The following MYH7 variants were observed in gnomAD, a reference collection of about 807,000 sequenced individuals.
MYH7 encodes the protein myosin heavy chain 7.
MYH7 carries 129 observed loss-of-function variants against 225.4 expected under a neutral mutation model. The ratio of observed to expected loss-of-function variants is 0.57; its 90% CI spans 0.50 to 0.66. The LOEUF (loss-of-function observed/expected upper bound fraction) is 0.66. Among genes scored for constraint, MYH7 ranks in the 30% least tolerant of loss-of-function variants. The probability of loss-of-function intolerance (pLI) is 0.00; values close to 1 mark genes in which losing one functional copy is unlikely to be tolerated. For synonymous variants in MYH7, 971 were observed against 1,007.6 expected (o/e 0.96, Z 0.69); for missense variants, 1,649 against 2,517.0 (o/e 0.66, Z 7.38).
At chr14:23,423,419 CT>C in intron 24 of MYH7, 127 bp downstream of exon 24, 4 of 1,308,992 alleles carry the variant, frequency 3.1e-6, no homozygotes, top group Non-Finnish European at 4.4e-6. Flanking sequence ...CCCTACCCCC[CT>C]CTAAACATAA....
chr14:23,430,590 A>C lies in MYH7; in HGVS notation c.969T>G (p.Ile323Met), dbSNP rs730880861. 3 of 1,614,034 alleles carry C rather than the reference A, an allele frequency of 1.9e-6. No homozygotes were observed. The Admixed American group carries it at 5.0e-5, about 27-fold the overall frequency. The change falls in exon 11 of 40, where the codon ATT becomes ATG. Residue 323 changes from isoleucine to methionine, a missense_variant. Transcript: ENST00000355349. ...TGGCCATGAGCTCCTCAGCGTCATCAATGGAGGCCACGGTGGTCTCTCCTT... is the reference window on the plus strand; with the variant it reads ...TGGCCATGAGCTCCTCAGCGTCATCCATGGAGGCCACGGTGGTCTCTCCTT... The part of the protein sequence containing the change: ...ISQGETTVAS[I>M]DDAEELMATD...
At position 23,433,283 on chromosome 14, in the gene MYH7, A is replaced by G; in HGVS notation, c.202-56T>C. 1.2e-6 allele frequency: 2 copies of G among 1,612,746 alleles called. No homozygotes were observed. Among genetic ancestry groups the G allele is most frequent in the South Asian group, 2.2e-5 (2 of 90,908 alleles). On this transcript the variant is annotated intron_variant, in intron 3 of 39. Transcript: ENST00000355349. The surrounding 1 kb of genome is among the most constrained non-coding windows in gnomAD (Gnocchi z 4.1). The stretch of plus-strand genomic sequence containing the variant: ...CAGCCTGGGCTTTCCCTCCTTCCTC[A>G]AGAGGGTTAGGAGTTGGTGAGTGAC...
At chr14:23,428,714 G>A in intron 14 of MYH7, 44 bp from the exon 15 acceptor site, 3 of 1,613,412 alleles carry the variant, frequency 1.9e-6, no homozygotes, top group Non-Finnish European at 2.5e-6. Flanking sequence ...AAGTGGGTGT[G>A]AGTGGCCATT....
Position 23,423,539 on chromosome 14 carries a change from C to A in MYH7, c.3099+8G>T. Reference sequence around the variant, plus strand: ...ATATCTAGGCCCCACAACTCTCAATCTACTCACATCATCCACTTGCTGCTC... The same window carrying A: ...ATATCTAGGCCCCACAACTCTCAATATACTCACATCATCCACTTGCTGCTC... On this transcript the variant is annotated splice_region_variant and intron_variant, in intron 24 of 39. Coordinates refer to ENST00000355349, the MANE Select transcript of MYH7 (RefSeq NM_000257.4). 6.2e-7 allele frequency: 1 copy of A among 1,612,872 alleles called. No homozygotes were observed. Among genetic ancestry groups the A allele is most frequent in the Admixed American group, 1.7e-5 (1 of 59,908 alleles).
In MYH7 at chr14:23,430,890, C is replaced by T. The variant is rs727504860; in HGVS notation, c.895+11G>A. On this transcript the variant is annotated intron_variant, in intron 10 of 39. Transcript: ENST00000355349. ...GGAGATAGTTGGTCTCAGTCGGTGG[C>T]TCTGACTCACCCAGCAGCTCAGGCT... 1.9e-6 allele frequency: 3 copies of T among 1,601,990 alleles called. No individual in the cohort carries two copies. In the South Asian group the frequency reaches 3.3e-5, roughly 18 times the overall value.
intron 39 of MYH7, among the ~76,000 whole-genome samples, chr14:23,413,511 G>A (rs961805360): frequency 1.3e-5 from 2 of 151,388 alleles, no homozygotes; most frequent in South Asian, 2.1e-4. Context: ...AGGTTGCAGT[G>A]AGCTGAGATT....
chr14:23,417,701 G>T lies in MYH7; in HGVS notation c.4170-15C>A, dbSNP rs370438666. ...CCAGCTTCTTCCTGCCCAGGGGAGGGTGGCAGAGGGTGGGGAGGATGGAGG... is the reference window on the plus strand; with the variant it reads ...CCAGCTTCTTCCTGCCCAGGGGAGGTTGGCAGAGGGTGGGGAGGATGGAGG... On this transcript the variant is annotated splice_polypyrimidine_tract_variant and intron_variant, in intron 30 of 39. Transcript: ENST00000355349. 12 of 1,612,024 alleles carry T rather than the reference G, an allele frequency of 7.4e-6. No homozygotes were observed. The African/African-American group carries it at 1.1e-4, about 14-fold the overall frequency.
intron 33 of MYH7, 34 bp from the exon 34 acceptor site, chr14:23,416,346 A>G (rs1566524312): frequency 6.2e-7 from 1 of 1,606,034 alleles, no homozygotes; most frequent in Admixed American, 1.7e-5. Flanking sequence ...ATGCAGGCAG[A>G]CAGTCAGGGC....
chr14:23,423,964 A>G lies in MYH7; in HGVS notation c.2865T>C (p.Asp955=), dbSNP rs563133807. The G allele has an allele frequency of 1.9e-6, 3 of 1,614,126 alleles. No individual in the cohort carries two copies. The African/African-American group carries it at 4.0e-5, about 22-fold the overall frequency. Residue 955 remains aspartate (D), a synonymous_variant, in exon 23 of 40, where the codon GAT becomes GAC. Coordinates refer to ENST00000355349, the MANE Select transcript of MYH7 (RefSeq NM_000257.4). ...CTTTGGCCAGTGTCAGCTCCAGATC[A>G]TCGATGTCCCTTTTGAGCTCTGAGC... is the stretch of plus-strand genomic sequence containing the variant. ...DECSELKRDI[D]DLELTLAKVE... is the part of the protein sequence containing the mutation.
At chr14:23,427,471 G>C (rs959171164) in intron 16 of MYH7, 114 bp downstream of exon 16, 1 of 1,498,732 alleles carries the variant, frequency 6.7e-7, no homozygotes, top group African/African-American at 1.4e-5. Flanking sequence ...CACTGAGTCT[G>C]TAAACCTTGG....
intron 1 of MYH7, among the ~76,000 whole-genome samples, chr14:23,434,593 T>C (rs1595092238): frequency 6.6e-6 from 1 of 152,310 alleles, no homozygotes; most frequent in Non-Finnish European, 1.5e-5. Context: ...CTTTCCAGTC[T>C]AAAAGCACTT....
chr14:23,429,541 T>G (rs1251015658), intron 12 of MYH7, among the ~76,000 whole-genome samples, 194 bp from the exon 13 acceptor site: 1 of 151,924 alleles, frequency 6.6e-6, no homozygotes, highest in Non-Finnish European at 1.5e-5. Context: ...CCAGGCATGG[T>G]GGTGCATGCC....
chr14:23,428,626 C>T lies in MYH7; in HGVS notation c.1452G>A (p.Lys484=). The change falls in exon 15 of 40, where the codon AAG becomes AAA. Residue 484 remains lysine, a synonymous_variant. Coordinates refer to ENST00000355349, the MANE Select transcript of MYH7 (RefSeq NM_000257.4). ...EQLCINFTNE[K]LQQFFNHHMF... ...TGTGGTGGTTGAAGAACTGCTGCAG[C>T]TTCTCGTTGGTGAAGTTGATGCAGA... is the stretch of plus-strand genomic sequence containing the variant. 6.2e-7 allele frequency: 1 copy of T among 1,614,174 alleles called. No homozygotes were observed. Among genetic ancestry groups the T allele is most frequent in the East Asian group, 2.2e-5 (1 of 44,878 alleles).
chr14:23,415,694 A>T lies in MYH7; in HGVS notation c.5092T>A (p.Ser1698Thr), dbSNP rs1892167926. 1 of 1,613,856 alleles carries T rather than the reference A, an allele frequency of 6.2e-7. No homozygotes were observed. Among genetic ancestry groups the T allele is most frequent in the South Asian group, 1.1e-5 (1 of 91,062 alleles). Residue 1698 changes from serine to threonine, a missense_variant, in exon 35 of 40, where the codon TCC becomes ACC. Coordinates refer to ENST00000355349, the MANE Select transcript of MYH7 (RefSeq NM_000257.4). This position sits in a 1 kb window ranked among gnomAD's most constrained non-coding sequence, Gnocchi z 6.3. ...LRAVVEQTER[S>T]RKLAEQELIE... ...AGCTCCTGCTCCGCCAGCTTCCGGGACCGCTCTGTCTGCTCCACCACGGCA... is the reference window on the plus strand; with the variant it reads ...AGCTCCTGCTCCGCCAGCTTCCGGGTCCGCTCTGTCTGCTCCACCACGGCA...
intron 29 of MYH7, 124 bp downstream of exon 29, chr14:23,419,053 T>G: frequency 1.1e-6 from 1 of 948,740 alleles, no homozygotes; most frequent in Non-Finnish European, 1.7e-6. Flanking sequence ...TGTGATTTCT[T>G]TTTAGAATTC....
rs200303340 is a variant in MYH7, at chr14:23,415,421, C to T, written c.5243G>A (p.Cys1748Tyr). 4.0e-5 allele frequency: 64 copies of T among 1,614,124 alleles called. No homozygotes were observed. The highest frequency in any genetic ancestry group is 5.3e-5 in the Non-Finnish European group (63 of 1,180,058). Residue 1748 changes from cysteine (C) to tyrosine (Y), a missense_variant, in exon 36 of 40, where the codon TGC becomes TAC. Coordinates refer to ENST00000355349, the MANE Select transcript of MYH7 (RefSeq NM_000257.4). The surrounding 1 kb of genome is among the most constrained non-coding windows in gnomAD (Gnocchi z 6.3). ...CTTGGCCTTCTCCTCAGCATTCCTG[C>T]ACTCCTGCACTGCCTCCTCCACTTC... ...QTEVEEAVQE[C>Y]RNAEEKAKKA... is the part of the protein sequence containing the mutation.
chr14:23,428,911 G>A (rs1262184909), intron 14 of MYH7, 44 bp downstream of exon 14: 2 of 1,613,770 alleles, frequency 1.2e-6, no homozygotes, highest in Non-Finnish European at 1.7e-6. Flanking sequence ...GAATGTGGGA[G>A]CGAGTGAGTG....
rs990002027 is a variant in MYH7, at chr14:23,434,475, C to A, written c.-64-226G>T. Reference sequence around the variant, plus strand: ...TCCTGGTGTCAACTCAACCTGAACCCTAATCCTCTTCACTCCTGCGAGATG... The same window carrying A: ...TCCTGGTGTCAACTCAACCTGAACCATAATCCTCTTCACTCCTGCGAGATG... On this transcript the variant is annotated intron_variant, in intron 1 of 39. Transcript: ENST00000355349. Among the ~76,000 whole-genome samples, 183 of 152,328 alleles carry A rather than the reference C, an allele frequency of 1.2e-3. 1 individual carries two copies. Among genetic ancestry groups the A allele is most frequent in the Admixed American group, 5.9e-4 (9 of 15,306 alleles).
At chr14:23,420,329 G>A in intron 26 of MYH7, 95 bp from the exon 27 acceptor site, 1 of 1,544,856 alleles carries the variant, frequency 6.5e-7, no homozygotes, top group African/African-American at 1.4e-5. Context: ...GGAACAGCAA[G>A]TCAGTTTAGC....
Sources: allele counts gnomAD v4.1 joint callset (sites outside exome capture counted in the v4.1 genomes callset), GRCh38; gene constraint gnomAD v4.1.1; non-coding constraint Gnocchi (gnomAD v3.1); transcripts MANE v1.5; gene names NCBI Gene and HGNC (gene_info 2026-07-23, HGNC 2026-07-21).